Variants in GPRC5B observed in about 807,000 individuals in gnomAD.
GPRC5B encodes the protein G protein-coupled receptor class C group 5 member B.
A neutral mutation model predicts 30.1 loss-of-function variants in GPRC5B; 16 were observed. The observed-to-expected ratio is 0.53, with a 90% CI of 0.36 to 0.81. GPRC5B has a LOEUF of 0.81. GPRC5B is among the 30% of genes least tolerant of loss of function. The pLI is 0.01. For missense variants in GPRC5B, 428 were observed against 544.7 expected, an observed-to-expected ratio of 0.79 and a Z score of 2.13; for synonymous variants, 241 against 239.5, an observed-to-expected ratio of 1.01 and a Z score of -0.06.
At position 19,859,638 on chromosome 16, in the gene GPRC5B, A is replaced by G. The variant is rs1164405042; in HGVS notation, c.*862T>C. 6.6e-6 allele frequency: 1 copy of G among 152,240 alleles called. No homozygotes were observed. The highest frequency in any genetic ancestry group is 1.5e-5 in the Non-Finnish European group (1 of 68,070). The allele number at this position is 152,240 out of a possible 1,614,324, so 9.4% of individuals were successfully genotyped here. A position where few individuals can be genotyped will look rare whatever the true frequency, so the allele number is the denominator to read the frequency against. The stretch of plus-strand genomic sequence containing the variant: ...GACCCCATTGGAGCTCTTGAAATGA[A>G]TAAGGGAATAAAATTGGGAGAGGAT... On this transcript the variant is annotated 3_prime_UTR_variant, in exon 4 of 4. Coordinates refer to ENST00000300571, the MANE Select transcript of GPRC5B (RefSeq NM_016235.3).
chr16:19,872,105 C>A lies in GPRC5B; in HGVS notation c.741G>T (p.Trp247Cys). 1 of 1,614,100 alleles carries A rather than the reference C, an allele frequency of 6.2e-7. No individual in the cohort carries two copies. Residue 247 changes from tryptophan (W) to cysteine (C), a missense_variant, in exon 2 of 4, where the codon TGG (tryptophan) becomes TGT (cysteine). By Grantham distance (215) the Trp-to-Cys change is radical. Around this residue, in one of 3 missense-constraint regions of GPRC5B, gnomAD observed 213 missense variants for 229.1 expected, o/e 0.93. Transcript: ENST00000300571. This position sits in a 1 kb window ranked among gnomAD's most constrained non-coding sequence, Gnocchi z 5.0. ...LITAFLSVLIWVAWMTMYLFG... is the reference protein window; with the variant it reads ...LITAFLSVLICVAWMTMYLFG... Reference sequence around the variant, plus strand: ...AGAGGTACATGGTCATCCAGGCCACCCAGATGAGCACAGAGAGGAAGGCTG... The same window carrying A: ...AGAGGTACATGGTCATCCAGGCCACACAGATGAGCACAGAGAGGAAGGCTG...
intron 1 of GPRC5B, among the ~76,000 whole-genome samples, chr16:19,875,805 A>C (rs879360648): frequency 6.6e-6 from 1 of 152,126 alleles, no homozygotes; most frequent in Non-Finnish European, 1.5e-5. Context: ...AAAATAAAAT[A>C]AAATCGCTCG....
intron 1 of GPRC5B, among the ~76,000 whole-genome samples, chr16:19,878,462 T>A (rs868045260): frequency 3.7e-4 from 56 of 151,878 alleles, no homozygotes; most frequent in African/African-American, 1.3e-3. Context: ...CCTGGCTAAT[T>A]TTTGTATTTT....
At chr16:19,881,492 T>A (rs768677614) in intron 1 of GPRC5B, among the ~76,000 whole-genome samples, 42 of 150,494 alleles carry the variant, frequency 2.8e-4, no homozygotes, top group Non-Finnish European at 8.9e-5. Flanking sequence ...TGTTAAAAAG[T>A]CAATCATGGC....
chr16:19,870,763 G>A (rs888756495), intron 2 of GPRC5B, among the ~76,000 whole-genome samples: 2 of 152,222 alleles, frequency 1.3e-5, no homozygotes, highest in African/African-American at 4.8e-5. Flanking sequence ...GAGCGGTAGA[G>A]AGTGCGGTGA....
At chr16:19,875,069 C>T (rs1277466194) in intron 1 of GPRC5B, among the ~76,000 whole-genome samples, 2 of 152,154 alleles carry the variant, frequency 1.3e-5, no homozygotes, top group African/African-American at 2.4e-5. Flanking sequence ...AATGCGGTAT[C>T]GACCACCTCA....
intron 1 of GPRC5B, among the ~76,000 whole-genome samples, chr16:19,873,418 C>G (rs751625971): frequency 6.8e-6 from 1 of 147,858 alleles, no homozygotes; most frequent in Admixed American, 6.8e-5. Context: ...GAGCTGAGCT[C>G]GTGCCACTAA....
intron 3 of GPRC5B, among the ~76,000 whole-genome samples, chr16:19,861,424 C>G (rs1293402797): frequency 6.6e-6 from 1 of 152,156 alleles, no homozygotes; most frequent in Non-Finnish European, 1.5e-5. Context: ...ATGGGAGAAC[C>G]TGGTACCCAG....
intron 2 of GPRC5B, among the ~76,000 whole-genome samples, chr16:19,869,889 G>T (rs1487447318): frequency 1.3e-5 from 2 of 152,196 alleles, no homozygotes; most frequent in East Asian, 3.9e-4. Flanking sequence ...CTAGGCAACA[G>T]AGTGAGACCC....
intron 2 of GPRC5B, among the ~76,000 whole-genome samples, chr16:19,871,382 G>A (rs1192858304): frequency 6.6e-6 from 1 of 152,054 alleles, no homozygotes; most frequent in Non-Finnish European, 1.5e-5. Context: ...AGCACTTTGG[G>A]AGGCCGAGGT....
chr16:19,867,733 G>A (rs550923387), intron 2 of GPRC5B, among the ~76,000 whole-genome samples: 6 of 152,280 alleles, frequency 3.9e-5, no homozygotes, highest in South Asian at 4.2e-4. Context: ...TGGAGGCTTC[G>A]TGAGTGAGAT....
rs369976914 is a variant in GPRC5B, at chr16:19,861,828, G to C, written c.1167+9C>G. 1 of 1,611,628 alleles carries C rather than the reference G, an allele frequency of 6.2e-7. No homozygotes were observed. Among genetic ancestry groups the C allele is most frequent in the South Asian group, 1.1e-5 (1 of 90,980 alleles). ...GCTTCCTACCCCCACATCACATCTT[G>C]ATACTTACGGTCCCACCGTTGAGCA... On this transcript the variant is annotated intron_variant, in intron 3 of 3. Coordinates refer to ENST00000300571, the MANE Select transcript of GPRC5B (RefSeq NM_016235.3).
chr16:19,872,122 G>A lies in GPRC5B; in HGVS notation c.724C>T (p.Leu242Phe), dbSNP rs1597629106. 1 of 1,614,124 alleles carries A rather than the reference G, an allele frequency of 6.2e-7. No homozygotes were observed. The highest frequency in any genetic ancestry group is 2.2e-5 in the East Asian group (1 of 44,868). The stretch of plus-strand genomic sequence containing the variant: ...CAGGCCACCCAGATGAGCACAGAGA[G>A]GAAGGCTGTGATGAGGAGGAAGGCC... Reference protein sequence around the residue: ...NGAFLLITAFLSVLIWVAWMT... With the variant: ...NGAFLLITAFFSVLIWVAWMT... The change falls in exon 2 of 4, where the codon CTC becomes TTC. Residue 242 changes from leucine (L) to phenylalanine (F), a missense_variant. Physicochemically the swap from Leu to Phe is conservative, Grantham distance 22. Coordinates refer to ENST00000300571, the MANE Select transcript of GPRC5B (RefSeq NM_016235.3). This position sits in a 1 kb window ranked among gnomAD's most constrained non-coding sequence, Gnocchi z 5.0.
At position 19,872,017 on chromosome 16, in the gene GPRC5B, C is replaced by T. The variant is rs1266102781; in HGVS notation, c.829G>A (p.Ala277Thr). 5.6e-6 allele frequency: 9 copies of T among 1,614,096 alleles called. No individual in the cohort carries two copies. Among genetic ancestry groups the T allele is most frequent in the Non-Finnish European group, 6.8e-6 (8 of 1,180,022 alleles). The change falls in exon 2 of 4, where the codon GCG (alanine) becomes ACG (threonine). Residue 277 changes from alanine to threonine, a missense_variant. Physicochemically the swap from Ala to Thr is moderately conservative, Grantham distance 58. Coordinates refer to ENST00000300571, the MANE Select transcript of GPRC5B (RefSeq NM_016235.3). This position sits in a 1 kb window ranked among gnomAD's most constrained non-coding sequence, Gnocchi z 5.0. ...WNDPTLAITL[A>T]ASGWVFVIFH... ...ATGACGAAGACCCAGCCGCTGGCCG[C>T]CAGCGTGATGGCCAAGGTGGGGTCG...
At position 19,861,912 on chromosome 16, in the gene GPRC5B, C is replaced by T. The variant is rs201722584; in HGVS notation, c.1092G>A (p.Gly364=). The T allele has an allele frequency of 6.2e-7, 1 of 1,613,524 alleles. No homozygotes were observed. Among genetic ancestry groups the T allele is most frequent in the African/African-American group, 1.3e-5 (1 of 75,036 alleles). The change falls in exon 3 of 4, where the codon GGG becomes GGA. Residue 364 remains glycine, a synonymous_variant. Transcript: ENST00000300571. The part of the protein sequence containing the change: ...SLGKRPSGSL[G]KRPSAPFRSN... ...TTCTAAACGGAGCGCTGGGTCTTTT[C>T]CCCAAGCTGCCACTGGGTCTTTTTC...
At chr16:19,879,622 C>G (rs937060413) in intron 1 of GPRC5B, among the ~76,000 whole-genome samples, 1 of 152,088 alleles carries the variant, frequency 6.6e-6, no homozygotes, top group African/African-American at 2.4e-5. Context: ...AAGGCCATAC[C>G]TTGGTGTGAA....
chr16:19,860,166 G>T lies in GPRC5B; in HGVS notation c.*334C>A, dbSNP rs1483897659. The T allele has an allele frequency of 1.2e-5, 3 of 258,146 alleles. No individual in the cohort carries two copies. In the East Asian group the frequency reaches 3.5e-4, roughly 30 times the overall value. The allele number at this position is 258,146 out of a possible 1,614,324, so 16.0% of individuals were successfully genotyped here. On this transcript the variant is annotated 3_prime_UTR_variant, in exon 4 of 4. Coordinates refer to ENST00000300571, the MANE Select transcript of GPRC5B (RefSeq NM_016235.3). ...GCCCACCAGCTGTGAATTTGGTTCT[G>T]TTCTACCCCCAGAGGATGAAACAGT...
Position 19,858,125 on chromosome 16 carries a change from GGGCAGCTGGCTGCTACAGTCTCT to G in GPRC5B, c.*2352_*2374del, listed in dbSNP as rs1279283443. On this transcript the variant is annotated 3_prime_UTR_variant, in exon 4 of 4. Coordinates refer to ENST00000300571, the MANE Select transcript of GPRC5B (RefSeq NM_016235.3). ...TTGTCTTTAAACCTTGCTCCACGGGGGGCAGCTGGCTGCTACAGTCTCTTGGCAAAGATGTCTCTTGATACTTT... is the reference window on the plus strand; with the variant it reads ...TTGTCTTTAAACCTTGCTCCACGGGGTGGCAAAGATGTCTCTTGATACTTT... 1 of 192,504 alleles carries G rather than the reference GGGCAGCTGGCTGCTACAGTCTCT, an allele frequency of 5.2e-6. No homozygotes were observed. The highest frequency in any genetic ancestry group is 2.3e-5 in the African/African-American group (1 of 43,158). The allele number at this position is 192,504 out of a possible 1,614,324, so 11.9% of individuals were successfully genotyped here.
intron 1 of GPRC5B, among the ~76,000 whole-genome samples, chr16:19,880,201 G>A (rs1446508926): frequency 6.6e-6 from 1 of 151,086 alleles, no homozygotes; most frequent in African/African-American, 2.4e-5. Context: ...ATTGGCAAAC[G>A]CTCCCTTGTC....
Sources: gnomAD v4.1 joint callset for allele counts (sites outside exome capture counted in the v4.1 genomes callset) on GRCh38, gnomAD v4.1.1 for gene constraint, gnomAD v4.1.1 regional missense constraint, Gnocchi (gnomAD v3.1) non-coding constraint, MANE v1.5 for transcripts, NCBI Gene and HGNC (gene_info 2026-07-23, HGNC 2026-07-21) for gene names.